NLGN4X: variants seen among roughly 807,000 people sequenced by gnomAD.
NLGN4X encodes neuroligin 4 X-linked, also known as neuroligin-4, X-linked.
Under a neutral mutation model 40.3 loss-of-function variants are expected in NLGN4X, and 3 were observed. The observed-to-expected ratio is 0.07, with a 90% CI of 0.03 to 0.19. NLGN4X has a LOEUF of 0.19. Ranked by LOEUF, NLGN4X falls within the 10% of genes least tolerant of loss-of-function variation. The pLI, the probability that NLGN4X is intolerant of heterozygous loss-of-function variation, is 1.00. For synonymous variants in NLGN4X, 270 were observed against 306.8 expected (o/e 0.88, Z 1.25); for missense variants, 382 against 708.3 (o/e 0.54, Z 5.23).
At chrX:6,084,523 T>C (rs777098464) in intron 2 of NLGN4X, among the ~76,000 whole-genome samples, 12 of 111,430 alleles carry the variant, frequency 1.1e-4, no homozygotes, top group Non-Finnish European at 2.1e-4. Context: ...AAATGAGATA[T>C]AATGAAAACA....
intron 1 of NLGN4X, among the ~76,000 whole-genome samples, chrX:6,193,618 A>T (rs886123336): frequency 3.6e-5 from 4 of 111,841 alleles, no homozygotes; most frequent in African/African-American, 9.7e-5. Flanking sequence ...CATGACATGA[A>T]GTAATTCTTA....
At chrX:6,046,303 T>C (rs975980614) in intron 2 of NLGN4X, among the ~76,000 whole-genome samples, 1 of 111,559 alleles carries the variant, frequency 9.0e-6, no homozygotes, top group African/African-American at 3.2e-5. Flanking sequence ...TATTGATGAT[T>C]TGAATAAAAC....
chrX:6,072,503 GA>G (rs1248995328), intron 2 of NLGN4X, among the ~76,000 whole-genome samples: 1 of 111,592 alleles, frequency 9.0e-6, no homozygotes, highest in Non-Finnish European at 1.9e-5. Context: ...AGGACAGAGT[GA>G]AAAAAGCATG....
At chrX:5,998,479 A>C (rs1451587749) in intron 3 of NLGN4X, among the ~76,000 whole-genome samples, 1 of 111,820 alleles carries the variant, frequency 8.9e-6, no homozygotes, top group Non-Finnish European at 1.9e-5. Context: ...TCCTTTAAGA[A>C]AACAATTTTA....
At chrX:5,923,440 C>A (rs963956406) in intron 3 of NLGN4X, among the ~76,000 whole-genome samples, 7 of 112,634 alleles carry the variant, frequency 6.2e-5, no homozygotes. Context: ...TATATCAGTC[C>A]ATTTTCACAC....
intron 2 of NLGN4X, among the ~76,000 whole-genome samples, chrX:6,090,536 AAT>A (rs1286444398): frequency 8.9e-6 from 1 of 111,937 alleles, no homozygotes; most frequent in African/African-American, 3.2e-5. Context: ...TATATGAAGG[AAT>A]ATAAAAATAA....
At chrX:6,126,422 G>A (rs2039547511) in intron 2 of NLGN4X, among the ~76,000 whole-genome samples, 1 of 111,190 alleles carries the variant, frequency 9.0e-6, no homozygotes, top group African/African-American at 3.3e-5. Context: ...GTCATTATTT[G>A]TACATAATGT....
At position 5,978,376 on chromosome X, in the gene NLGN4X, CTTT is replaced by C. The variant is rs1354883729; in HGVS notation, c.625+50901_625+50903del. 3.1e-5 allele frequency among the ~76,000 whole-genome samples: 3 copies of C among 98,032 alleles called. No homozygotes were observed. The Admixed American group carries it at 3.4e-4, about 11-fold the overall frequency. The allele number at this position is 98,032 out of a possible 115,157, so 85.1% of individuals were successfully genotyped here. A position where few individuals can be genotyped will look rare whatever the true frequency, so the allele number is the denominator to read the frequency against. ...TTCTCTTTCTTTCTCTTTCTTCTCT[CTTT>C]TCTTTCTTCTATCTCTCTCTTCCTT... is the stretch of plus-strand genomic sequence containing the variant. On this transcript the variant is annotated intron_variant, in intron 3 of 5. Coordinates refer to ENST00000381095, the MANE Select transcript of NLGN4X (RefSeq NM_181332.3).
Position 5,895,969 on chromosome X carries a change from A to C in NLGN4X, c.1602-2303T>G, listed in dbSNP as rs559673068. Among the ~76,000 whole-genome samples, 8 of 112,092 alleles carry C rather than the reference A, an allele frequency of 7.1e-5. No individual in the cohort carries two copies. The South Asian group carries it at 1.8e-3, about 26-fold the overall frequency. On this transcript the variant is annotated intron_variant, in intron 5 of 5. Coordinates refer to ENST00000381095, the MANE Select transcript of NLGN4X (RefSeq NM_181332.3). ...ATTTAACGTGTACTGAAAGAAAAAT[A>C]AGTGAATGAATATTTTAGGAAAAAA...
chrX:6,003,215 C>T (rs1480317098), intron 3 of NLGN4X, among the ~76,000 whole-genome samples: 2 of 111,712 alleles, frequency 1.8e-5, no homozygotes, highest in African/African-American at 6.5e-5. Context: ...TTCATACACA[C>T]TTAACAAAAG....
In NLGN4X at chrX:6,012,543, T is replaced by C. The variant is rs186923620; in HGVS notation, c.625+16737A>G. On this transcript the variant is annotated intron_variant, in intron 3 of 5. Transcript: ENST00000381095. ...TATATTGCAATAATGATGTGTTGGG[T>C]GGAGTGGGTTGCGTAATATCCTCCA... Among the ~76,000 whole-genome samples the C allele has an allele frequency of 3.8e-3, 427 of 111,624 alleles. 4 individuals are homozygous for C. Among genetic ancestry groups the C allele is most frequent in the African/African-American group, 0.013 (408 of 30,715 alleles).
chrX:6,020,238 T>C (rs1313969362), intron 3 of NLGN4X, among the ~76,000 whole-genome samples: 1 of 111,703 alleles, frequency 9.0e-6, no homozygotes, highest in East Asian at 2.8e-4. Context: ...AAAATGGGGT[T>C]TATACACACA....
rs750146464 is a variant in NLGN4X, at chrX:6,158,534, A to G, written c.-305-6763T>C. 3.6e-5 allele frequency among the ~76,000 whole-genome samples: 4 copies of G among 112,151 alleles called. No homozygotes were observed. In the East Asian group the frequency reaches 1.1e-3, roughly 31 times the overall value. ...ATGAAATCACAATAGGATTAATAAA[A>G]ATACAAACAAACAATGATACCAAGT... On this transcript the variant is annotated intron_variant, in intron 1 of 5. Coordinates refer to ENST00000381095, the MANE Select transcript of NLGN4X (RefSeq NM_181332.3).
chrX:5,977,394 A>AT (rs965495717), intron 3 of NLGN4X, among the ~76,000 whole-genome samples: 22 of 103,283 alleles, frequency 2.1e-4, no homozygotes, highest in South Asian at 4.3e-4. Context: ...CTAATTTTTC[A>AT]TTTTTTTTTT....
At chrX:6,021,002 T>TTCTCTCTCTCTC (rs869309615) in intron 3 of NLGN4X, among the ~76,000 whole-genome samples, 9 of 24,121 alleles carry the variant, frequency 3.7e-4, no homozygotes, top group Admixed American at 7.8e-4. Context: ...CTTCCTTCTT[T>TTCTCTCTCTCTC]TCTCTCTCTC....
intron 2 of NLGN4X, among the ~76,000 whole-genome samples, chrX:6,091,163 A>G (rs1304523345): frequency 9.1e-6 from 1 of 110,390 alleles, no homozygotes; most frequent in Non-Finnish European, 1.9e-5. Context: ...ACAGGCTGGC[A>G]TGACTGATGG....
At chrX:5,926,934 T>TTCTTTCTA (rs1555921576) in intron 3 of NLGN4X, among the ~76,000 whole-genome samples, 10 of 96,869 alleles carry the variant, frequency 1.0e-4, no homozygotes, top group South Asian at 5.3e-4. Context: ...TCTCTATATC[T>TTCTTTCTA]TCTATCTATC....
intron 3 of NLGN4X, among the ~76,000 whole-genome samples, chrX:5,972,021 G>A (rs2035034486): frequency 9.0e-6 from 1 of 111,624 alleles, no homozygotes; most frequent in African/African-American, 3.3e-5. Flanking sequence ...TTAAGTAATG[G>A]TAATCTAGTG....
intron 3 of NLGN4X, among the ~76,000 whole-genome samples, chrX:6,004,286 CTAAAA>C (rs1417864152): frequency 8.9e-6 from 1 of 111,965 alleles, no homozygotes; most frequent in East Asian, 2.8e-4. Context: ...CCTTGCATAC[CTAAAA>C]TAAATACAAA....
Sources: gnomAD v4.1 joint callset for allele counts (sites outside exome capture counted in the v4.1 genomes callset) on GRCh38, gnomAD v4.1.1 for gene constraint, MANE v1.5 for transcripts, NCBI Gene and HGNC (gene_info 2026-07-23, HGNC 2026-07-21) for gene names.